Variants in ZDHHC21 observed in about 807,000 individuals in gnomAD.
ZDHHC21 encodes zDHHC palmitoyltransferase 21.
ZDHHC21 carries 15 observed loss-of-function variants against 34.6 expected under a neutral mutation model. The observed-to-expected ratio is 0.43, with a 90% CI of 0.29 to 0.67. ZDHHC21 has a LOEUF of 0.67. Ranked by LOEUF, ZDHHC21 falls within the 30% of genes least tolerant of loss-of-function variation. The pLI is 0.14. For missense variants in ZDHHC21, 344 were observed against 327.7 expected (o/e 1.05, Z -0.38); for synonymous variants, 142 against 101.8 (o/e 1.40, Z -2.38).
intron 7 of ZDHHC21, among the ~76,000 whole-genome samples, chr9:14,644,854 AC>A (rs1564276219): frequency 6.6e-6 from 1 of 150,888 alleles, no homozygotes; most frequent in African/African-American, 2.5e-5. Flanking sequence ...ATATATATTT[AC>A]TTTGCTTTAG....
At chr9:14,630,135 A>G (rs1827075990) in intron 8 of ZDHHC21, among the ~76,000 whole-genome samples, 1 of 152,236 alleles carries the variant, frequency 6.6e-6, no homozygotes, top group Non-Finnish European at 1.5e-5. Flanking sequence ...CATGCGATGC[A>G]ATTTGATAGC....
chr9:14,659,752 A>C (rs1833003613), intron 6 of ZDHHC21, among the ~76,000 whole-genome samples: 1 of 152,216 alleles, frequency 6.6e-6, no homozygotes, highest in African/African-American at 2.4e-5. Context: ...AGTCAAATAC[A>C]GACCTGAACT....
At chr9:14,635,657 T>C (rs1328777558) in intron 8 of ZDHHC21, among the ~76,000 whole-genome samples, 1 of 152,214 alleles carries the variant, frequency 6.6e-6, no homozygotes, top group East Asian at 1.9e-4. Flanking sequence ...ATCCCTAGAC[T>C]GGTCCTACAA....
At chr9:14,666,591 A>G (rs1834487026) in intron 5 of ZDHHC21, among the ~76,000 whole-genome samples, 1 of 106,868 alleles carries the variant, frequency 9.4e-6, no homozygotes, top group Admixed American at 9.2e-5. Context: ...TTGACCACAT[A>G]GTAGGAAGTA....
At position 14,684,036 on chromosome 9, in the gene ZDHHC21, T is replaced by C. The variant is rs942098832; in HGVS notation, c.-175-3874A>G. Among the ~76,000 whole-genome samples, 50 of 152,198 alleles carry C rather than the reference T, an allele frequency of 3.3e-4. 1 individual carries two copies. The highest frequency in any genetic ancestry group is 1.1e-3 in the African/African-American group (45 of 41,452). ...CTATAAACTCTTAATAAATTAGGTATTGAAGGGACGTACCTCAAAATAATC... is the reference window on the plus strand; with the variant it reads ...CTATAAACTCTTAATAAATTAGGTACTGAAGGGACGTACCTCAAAATAATC... On this transcript the variant is annotated intron_variant, in intron 2 of 9. Transcript: ENST00000380916.
chr9:14,638,226 C>G (rs1263269742), intron 8 of ZDHHC21, among the ~76,000 whole-genome samples: 1 of 151,938 alleles, frequency 6.6e-6, no homozygotes, highest in Non-Finnish European at 1.5e-5. Context: ...GAAATAAATT[C>G]ATATATTTAC....
intron 7 of ZDHHC21, among the ~76,000 whole-genome samples, chr9:14,658,114 A>C (rs10810203): frequency 0.21 from 32,141 of 152,090 alleles, 3,579 homozygotes; most frequent in South Asian, 0.38. Flanking sequence ...ACCTTTAAAA[A>C]TTACATTCTG....
At position 14,639,909 on chromosome 9, in the gene ZDHHC21, A is replaced by T. The variant is rs763506038; in HGVS notation, c.608T>A (p.Ile203Asn). The change falls in exon 8 of 10, where the codon ATT becomes AAT. Residue 203 changes from isoleucine to asparagine, a missense_variant. Coordinates refer to ENST00000380916, the MANE Select transcript of ZDHHC21 (RefSeq NM_178566.6). ...GITGLFYTQLIGIITDTTSIE... is the reference protein window; with the variant it reads ...GITGLFYTQLNGIITDTTSIE... ...AAATATACTTACTGTGATGATGCCA[A>T]TTAGTTGAGTGTAAAAGAGTCCAGT... 4.4e-6 allele frequency: 7 copies of T among 1,581,538 alleles called. No individual in the cohort carries two copies. Among genetic ancestry groups the T allele is most frequent in the Non-Finnish European group, 6.0e-6 (7 of 1,160,062 alleles).
At chr9:14,682,302 C>T (rs1442785268) in intron 2 of ZDHHC21, among the ~76,000 whole-genome samples, 13 of 152,052 alleles carry the variant, frequency 8.5e-5, no homozygotes, top group Non-Finnish European at 1.0e-4. Flanking sequence ...ACCCATCTCA[C>T]GTGCAGAGAC....
At chr9:14,645,954 G>A (rs921473686) in intron 7 of ZDHHC21, among the ~76,000 whole-genome samples, 3 of 152,104 alleles carry the variant, frequency 2.0e-5, no homozygotes, top group African/African-American at 7.2e-5. Flanking sequence ...TACTCTACTG[G>A]TAGGAGTTTA....
At chr9:14,653,857 C>A (rs193193481) in intron 7 of ZDHHC21, among the ~76,000 whole-genome samples, 16 of 152,084 alleles carry the variant, frequency 1.1e-4, no homozygotes, top group Non-Finnish European at 2.1e-4. Context: ...ATGAGACCAA[C>A]ACTCACACCA....
the ZDHHC21 span, among the ~76,000 whole-genome samples, chr9:14,605,409 C>G: frequency 6.6e-6 from 1 of 152,072 alleles, no homozygotes; most frequent in African/African-American, 2.4e-5. Flanking sequence ...GATAATACCT[C>G]GTTGTAATTT....
chr9:14,635,614 C>A (rs1462575179), intron 8 of ZDHHC21, among the ~76,000 whole-genome samples: 1 of 152,138 alleles, frequency 6.6e-6, no homozygotes, highest in African/African-American at 2.4e-5. Context: ...GAAAAAGGCA[C>A]GTGATAACAA....
chr9:14,677,227 G>A (rs1836576650), intron 3 of ZDHHC21: 1 of 151,844 alleles, frequency 6.6e-6, no homozygotes, highest in Admixed American at 6.6e-5. Context: ...GCATCCCTAA[G>A]GAAAAGTGAG....
intron 7 of ZDHHC21, among the ~76,000 whole-genome samples, chr9:14,646,593 A>G (rs1830312863): frequency 6.6e-6 from 1 of 151,816 alleles, no homozygotes; most frequent in African/African-American, 2.4e-5. Flanking sequence ...CTCACCTACA[A>G]CTACACTGAC....
At chr9:14,679,866 T>C (rs1837070827) in intron 3 of ZDHHC21, among the ~76,000 whole-genome samples, 167 bp downstream of exon 3, 1 of 152,128 alleles carries the variant, frequency 6.6e-6, no homozygotes, top group South Asian at 2.1e-4. Flanking sequence ...AAAAGTCTTA[T>C]TTAAGAAAAC....
At chr9:14,665,794 A>T (rs547206724) in intron 5 of ZDHHC21, among the ~76,000 whole-genome samples, 13 of 148,226 alleles carry the variant, frequency 8.8e-5, no homozygotes, top group Non-Finnish European at 1.8e-4. Flanking sequence ...AGACAAGCAA[A>T]TGCTGACCAA....
At chr9:14,651,359 G>A (rs1831208640) in intron 7 of ZDHHC21, among the ~76,000 whole-genome samples, 2 of 151,844 alleles carry the variant, frequency 1.3e-5, no homozygotes, top group South Asian at 2.1e-4. Context: ...GGGGAAAAAT[G>A]CAAAAAGTAG....
intron 3 of ZDHHC21, among the ~76,000 whole-genome samples, chr9:14,674,710 C>T (rs1393103047): frequency 6.6e-6 from 1 of 152,012 alleles, no homozygotes; most frequent in Non-Finnish European, 1.5e-5. Flanking sequence ...CCAGCAACTT[C>T]CTGTGTAAAC....
Sources: gnomAD v4.1 joint callset for allele counts (sites outside exome capture counted in the v4.1 genomes callset) on GRCh38, gnomAD v4.1.1 for gene constraint, MANE v1.5 for transcripts, NCBI Gene and HGNC (gene_info 2026-07-23, HGNC 2026-07-21) for gene names.